Variants in HDAC4 observed in about 807,000 individuals in gnomAD.
The protein encoded by HDAC4 is histone deacetylase A.
HDAC4 carries 16 observed loss-of-function variants against 135.1 expected under a neutral mutation model. That is an observed-to-expected ratio of 0.12 (90% CI 0.08 to 0.18). HDAC4 has a LOEUF of 0.18. Among genes scored for constraint, HDAC4 ranks in the 10% least tolerant of loss-of-function variants. HDAC4 has a pLI of 1.00. For synonymous variants in HDAC4, 685 were observed against 653.4 expected, an observed-to-expected ratio of 1.05 and a Z score of -0.74; for missense variants, 1,143 against 1,511.8, an observed-to-expected ratio of 0.76 and a Z score of 4.05.
chr2:239,054,641 G>T, intron 25 of HDAC4, 108 bp downstream of exon 25: 1 of 787,746 alleles, frequency 1.3e-6, no homozygotes, highest in Non-Finnish European at 2.3e-6. Context: ...GGAAGCAGCC[G>T]GCAGTGGGAT....
chr2:239,133,064 G>A (rs979807038), intron 11 of HDAC4, among the ~76,000 whole-genome samples: 3 of 152,196 alleles, frequency 2.0e-5, no homozygotes, highest in South Asian at 2.1e-4. Flanking sequence ...GCAGGGACAC[G>A]AATTCAAGCT....
At chr2:239,250,100 A>AG (rs1432359477) in intron 2 of HDAC4, among the ~76,000 whole-genome samples, 3 of 152,250 alleles carry the variant, frequency 2.0e-5, no homozygotes, top group Non-Finnish European at 4.4e-5. Flanking sequence ...TCGGAATTGC[A>AG]GGGAATACCC....
Position 239,352,618 on chromosome 2 carries a change from T to A in HDAC4, c.22+60A>T. The A allele has an allele frequency of 6.6e-7, 1 of 1,509,860 alleles. No individual in the cohort carries two copies. The highest frequency in any genetic ancestry group is 9.0e-7 in the Non-Finnish European group (1 of 1,108,886). The allele number at this position is 1,509,860 out of a possible 1,614,324, so 93.5% of individuals were successfully genotyped here. ...GAAAGCAAGCTGCAGTCACAAGAAC[T>A]TCTACTTTGGGCAAAGAAAGCCCCG... On this transcript the variant is annotated intron_variant, in intron 2 of 26. Coordinates refer to ENST00000543185, the MANE Select transcript of HDAC4 (RefSeq NM_001378414.1). This position sits in a 1 kb window ranked among gnomAD's most constrained non-coding sequence, Gnocchi z 4.4.
chr2:239,356,152 T>G (rs561116902), intron 1 of HDAC4, among the ~76,000 whole-genome samples: 5 of 152,250 alleles, frequency 3.3e-5, no homozygotes, highest in African/African-American at 1.2e-4. Context: ...AAACATCACA[T>G]AGTTTTAAAA....
intron 2 of HDAC4, among the ~76,000 whole-genome samples, chr2:239,249,006 G>A (rs1242139346): frequency 1.3e-5 from 2 of 152,258 alleles, no homozygotes; most frequent in South Asian, 2.1e-4. Context: ...TTAGAAGACC[G>A]TGTGGGATCA....
At position 239,163,643 on chromosome 2, in the gene HDAC4, C is replaced by T. The variant is rs145011499; in HGVS notation, c.611+160G>A. Among the ~76,000 whole-genome samples, 203 of 152,296 alleles carry T rather than the reference C, an allele frequency of 1.3e-3. 1 individual carries two copies. Among genetic ancestry groups the T allele is most frequent in the African/African-American group, 4.6e-3 (191 of 41,584 alleles). Reference sequence around the variant, plus strand: ...GCCGCACGAGTGTACCCCCAGAACACGTCACCCACATCCGAGCACCACTGT... The same window carrying T: ...GCCGCACGAGTGTACCCCCAGAACATGTCACCCACATCCGAGCACCACTGT... On this transcript the variant is annotated intron_variant, in intron 6 of 26. Transcript: ENST00000543185.
At chr2:239,290,963 C>T (rs2051452822) in intron 2 of HDAC4, among the ~76,000 whole-genome samples, 2 of 152,186 alleles carry the variant, frequency 1.3e-5, no homozygotes, top group South Asian at 4.1e-4. Context: ...AAGCTTTATC[C>T]AATCATGACT....
At chr2:239,320,157 C>T (rs1459496592) in intron 2 of HDAC4, among the ~76,000 whole-genome samples, 1 of 151,890 alleles carries the variant, frequency 6.6e-6, no homozygotes, top group African/African-American at 2.4e-5. Context: ...CCGAAGCAGG[C>T]GGATCACCTG....
chr2:239,054,775 G>C lies in HDAC4; in HGVS notation c.3062C>G (p.Ser1021Cys). Residue 1021 changes from serine (S) to cysteine (C), a missense_variant, in exon 25 of 27, where the codon TCC (serine) becomes TGC (cysteine). Transcript: ENST00000543185. ...GTGGATCTCCATGACTTTCTCCATG[G>C]AACGGACAGCGTTTGCATTGGGTCT... ...QQRPNANAVR[S>C]MEKVMEIHSK... The C allele has an allele frequency of 6.2e-7, 1 of 1,613,348 alleles. No individual in the cohort carries two copies. Among genetic ancestry groups the C allele is most frequent in the Non-Finnish European group, 8.5e-7 (1 of 1,179,312 alleles).
At chr2:239,261,543 G>A (rs542512927) in intron 2 of HDAC4, among the ~76,000 whole-genome samples, 1 of 152,194 alleles carries the variant, frequency 6.6e-6, no homozygotes, top group Admixed American at 6.5e-5. Context: ...GCCAAAAATG[G>A]GCATCTTACT....
rs1019152848 is a variant in HDAC4, at chr2:239,309,230, A to G, written c.22+43448T>C. ...AAGAATTCAGCCGCTCCACCCTGAC[A>G]TCTGGTTTCTATTTCATATCCATGT... On this transcript the variant is annotated intron_variant, in intron 2 of 26. Coordinates refer to ENST00000543185, the MANE Select transcript of HDAC4 (RefSeq NM_001378414.1). The surrounding 1 kb of genome is among the most constrained non-coding windows in gnomAD (Gnocchi z 4.2). 5 of 152,038 alleles carry G rather than the reference A, an allele frequency of 3.3e-5. No individual in the cohort carries two copies. The highest frequency in any genetic ancestry group is 3.3e-4 in the Admixed American group (5 of 15,272). The allele number at this position is 152,038 out of a possible 1,614,324, so 9.4% of individuals were successfully genotyped here. A position where few individuals can be genotyped will look rare whatever the true frequency, so the allele number is the denominator to read the frequency against.
chr2:239,260,611 G>A (rs2049301192), intron 2 of HDAC4, among the ~76,000 whole-genome samples: 1 of 152,144 alleles, frequency 6.6e-6, no homozygotes, highest in African/African-American at 2.4e-5. Flanking sequence ...ACTCACTCCT[G>A]GGAGTACCGC....
chr2:239,316,691 A>G (rs141342111), intron 2 of HDAC4, among the ~76,000 whole-genome samples: 1,568 of 152,282 alleles, frequency 0.01, 18 homozygotes, highest in Middle Eastern at 0.028. Context: ...TTTCCAGGAC[A>G]TACTGCTAGG....
At chr2:239,109,541 G>T (rs1320940409) in intron 14 of HDAC4, among the ~76,000 whole-genome samples, 1 of 151,962 alleles carries the variant, frequency 6.6e-6, no homozygotes, top group Non-Finnish European at 1.5e-5. Context: ...GCTAACAGGA[G>T]TCAGTCTCCT....
intron 2 of HDAC4, among the ~76,000 whole-genome samples, chr2:239,325,227 C>G (rs1326433846): frequency 6.6e-6 from 1 of 152,188 alleles, no homozygotes; most frequent in African/African-American, 2.4e-5. Context: ...CAACAAAAAA[C>G]AGATTAACTG....
At chr2:239,056,673 T>G (rs892306270) in intron 24 of HDAC4, among the ~76,000 whole-genome samples, 2 of 152,208 alleles carry the variant, frequency 1.3e-5, no homozygotes, top group Admixed American at 6.5e-5. Flanking sequence ...AGGTGGGGCT[T>G]AAGGCCTCTC....
At chr2:239,323,220 A>G (rs1028423982) in intron 2 of HDAC4, among the ~76,000 whole-genome samples, 4 of 152,224 alleles carry the variant, frequency 2.6e-5, no homozygotes, top group African/African-American at 7.2e-5. Flanking sequence ...TTGCTGTTCT[A>G]TCGTGTATGT....
chr2:239,304,867 TAC>T (rs1445126923), intron 2 of HDAC4, among the ~76,000 whole-genome samples: 1 of 152,088 alleles, frequency 6.6e-6, no homozygotes, highest in African/African-American at 2.4e-5. Context: ...ATAATATATA[TAC>T]ACACACATAG....
At chr2:239,290,365 C>A (rs1323091848) in intron 2 of HDAC4, among the ~76,000 whole-genome samples, 1 of 152,170 alleles carries the variant, frequency 6.6e-6, no homozygotes, top group Non-Finnish European at 1.5e-5. Context: ...CATGGGGACA[C>A]CAGCACCAAT....
Sources: gnomAD v4.1 joint callset for allele counts (sites outside exome capture counted in the v4.1 genomes callset) on GRCh38, gnomAD v4.1.1 for gene constraint, Gnocchi (gnomAD v3.1) non-coding constraint, MANE v1.5 for transcripts, NCBI Gene and HGNC (gene_info 2026-07-23, HGNC 2026-07-21) for gene names.